SYT14: variants seen among roughly 807,000 people sequenced by gnomAD.
SYT14 encodes the protein synaptotagmin-14.
SYT14 carries 32 observed loss-of-function variants against 74.2 expected under a neutral mutation model. The observed-to-expected ratio is 0.43, with a 90% CI of 0.33 to 0.58. The LOEUF (loss-of-function observed/expected upper bound fraction) is 0.58. Among genes scored for constraint, SYT14 ranks in the 20% least tolerant of loss-of-function variants. SYT14 has a pLI of 0.05. For missense variants in SYT14, 791 were observed against 981.8 expected, an observed-to-expected ratio of 0.81 and a Z score of 2.60; for synonymous variants, 298 against 337.7, an observed-to-expected ratio of 0.88 and a Z score of 1.29.
exon 4 of SYT14, chr1:210,016,732 G>A (rs781648777): frequency 1.7e-5 from 21 of 1,231,714 alleles, no homozygotes; most frequent in African/African-American, 3.1e-5. Flanking sequence ...AGAATATGGG[G>A]CATTTCAATA....
At chr1:210,160,598 C>A in intron 9 of SYT14, 131 bp from the exon 9 acceptor site, 2 of 793,048 alleles carry the variant, frequency 2.5e-6, no homozygotes, top group Non-Finnish European at 3.9e-6. Context: ...TGGAATTGGT[C>A]GAATGTCCAT....
rs148417685 is a variant in SYT14, at chr1:210,077,522, G to T, written c.1313-16800G>T. 2.9e-3 allele frequency among the ~76,000 whole-genome samples: 446 copies of T among 152,190 alleles called. 3 individuals carry two copies. Among genetic ancestry groups the T allele is most frequent in the Middle Eastern group, 6.8e-3 (2 of 294 alleles). On this transcript the variant is annotated intron_variant, in intron 5 of 9. Coordinates refer to ENST00000637265, the Ensembl canonical transcript of SYT14. Reference sequence around the variant, plus strand: ...TCACTTGGGTTCTTTCTACCTTTTGGCTACTATATGAGTAATGCTGATGTG... The same window carrying T: ...TCACTTGGGTTCTTTCTACCTTTTGTCTACTATATGAGTAATGCTGATGTG...
chr1:209,976,344 G>C (rs144419411), intron 2 of SYT14, among the ~76,000 whole-genome samples: 83,432 of 132,278 alleles, frequency 0.63, 27,339 homozygotes, highest in East Asian at 0.84. Context: ...GGCATTTAGT[G>C]CTATAAATTT....
At chr1:210,112,973 A>G (rs2102586073) in intron 7 of SYT14, among the ~76,000 whole-genome samples, 1 of 151,348 alleles carries the variant, frequency 6.6e-6, no homozygotes, top group East Asian at 1.9e-4. Context: ...AGATTTTGCA[A>G]GTTTTGAGAA....
intron 2 of SYT14, among the ~76,000 whole-genome samples, chr1:209,968,697 A>C (rs1572084160): frequency 6.7e-6 from 1 of 148,900 alleles, no homozygotes; most frequent in South Asian, 2.1e-4. Flanking sequence ...AGATTCCTTC[A>C]TGTCTTTTCA....
intron 7 of SYT14, among the ~76,000 whole-genome samples, chr1:210,149,819 A>T (rs934459055): frequency 2.0e-5 from 3 of 152,138 alleles, no homozygotes; most frequent in Non-Finnish European, 4.4e-5. Flanking sequence ...GAGCCTGTGG[A>T]GGGTACTTAC....
chr1:210,155,131 A>G (rs755539681), intron 7 of SYT14, among the ~76,000 whole-genome samples: 9 of 152,266 alleles, frequency 5.9e-5, no homozygotes, highest in East Asian at 1.9e-4. Context: ...AGTAATTTCA[A>G]TGTTTTATCA....
At chr1:210,132,062 C>T (rs1056733250) in intron 7 of SYT14, among the ~76,000 whole-genome samples, 1 of 152,140 alleles carries the variant, frequency 6.6e-6, no homozygotes, top group African/African-American at 2.4e-5. Flanking sequence ...AACTGGCTCA[C>T]CCCTCTGAAT....
At chr1:210,049,206 G>C (rs1362302234) in intron 5 of SYT14, among the ~76,000 whole-genome samples, 1 of 152,124 alleles carries the variant, frequency 6.6e-6, no homozygotes, top group Non-Finnish European at 1.5e-5. Flanking sequence ...TTTTCTCACA[G>C]CTCCACTAGG....
At chr1:210,030,748 G>T (rs1001403938) in intron 5 of SYT14, among the ~76,000 whole-genome samples, 1 of 152,112 alleles carries the variant, frequency 6.6e-6, no homozygotes, top group South Asian at 2.1e-4. Context: ...AACTTTCTCT[G>T]TTGTTGGGAT....
intron 1 of SYT14, among the ~76,000 whole-genome samples, chr1:209,948,316 A>T (rs1023168364): frequency 7.9e-5 from 12 of 152,350 alleles, no homozygotes; most frequent in Non-Finnish European, 8.8e-5. Context: ...AGTCACACTT[A>T]TGTGTATATT....
At position 210,160,598 on chromosome 1, in the gene SYT14, C is replaced by T. The variant is rs73061732; in HGVS notation, c.2282-131C>T. The T allele has an allele frequency of 1.9e-3, 1,482 of 793,050 alleles. 17 individuals carry two copies. The African/African-American group carries it at 0.023, about 12-fold the overall frequency. 49.1% of individuals were successfully genotyped at this position (793,050 alleles called of 1,614,324 possible). On this transcript the variant is annotated intron_variant, in intron 9 of 9. Transcript: ENST00000637265. Reference sequence around the variant, plus strand: ...GCATCTACATCAAAATGGAATTGGTCGAATGTCCATTAAACATGGTATACA... The same window carrying T: ...GCATCTACATCAAAATGGAATTGGTTGAATGTCCATTAAACATGGTATACA...
At chr1:210,142,520 A>T (rs981915575) in intron 7 of SYT14, among the ~76,000 whole-genome samples, 2 of 152,202 alleles carry the variant, frequency 1.3e-5, no homozygotes, top group African/African-American at 4.8e-5. Context: ...AGCCAGGTGT[A>T]TGGAAGTCTA....
In SYT14 at chr1:210,041,143, C is replaced by T. The variant is rs185067560; in HGVS notation, c.1312+19889C>T. 2.0e-3 allele frequency among the ~76,000 whole-genome samples: 301 copies of T among 152,258 alleles called. 2 individuals carry two copies. The highest frequency in any genetic ancestry group is 6.8e-3 in the African/African-American group (282 of 41,552). On this transcript the variant is annotated intron_variant, in intron 5 of 9. Coordinates refer to ENST00000637265, the Ensembl canonical transcript of SYT14. The stretch of plus-strand genomic sequence containing the variant: ...ATTGAACATTTGCCCACTGGGATGC[C>T]GGTGCCAAAGATGTCTCCTCTGATG...
intron 5 of SYT14, among the ~76,000 whole-genome samples, chr1:210,069,716 G>A (rs1466395109): frequency 1.3e-5 from 2 of 151,080 alleles, no homozygotes; most frequent in Non-Finnish European, 1.5e-5. Flanking sequence ...TGTATTTATC[G>A]CAGTACTTTT....
chr1:210,160,599 G>A (rs868344775), intron 9 of SYT14, 130 bp from the exon 9 acceptor site: 15 of 796,314 alleles, frequency 1.9e-5, no homozygotes, highest in Middle Eastern at 3.5e-4. Context: ...GGAATTGGTC[G>A]AATGTCCATT....
intron 6 of SYT14, among the ~76,000 whole-genome samples, chr1:210,097,096 T>C (rs1164626792): frequency 2.0e-5 from 3 of 152,236 alleles, no homozygotes; most frequent in Admixed American, 1.3e-4. Context: ...TCAAACAATA[T>C]AGCAAATGCA....
intron 7 of SYT14, among the ~76,000 whole-genome samples, chr1:210,100,905 G>C (rs1234464966): frequency 1.3e-5 from 2 of 151,936 alleles, no homozygotes; most frequent in African/African-American, 4.8e-5. Context: ...CGCTCCCTAG[G>C]TCCCGACTGG....
Position 210,066,700 on chromosome 1 carries a change from C to A in SYT14, c.1313-27622C>A, listed in dbSNP as rs146458503. 1.1e-4 allele frequency among the ~76,000 whole-genome samples: 16 copies of A among 152,126 alleles called. No individual in the cohort carries two copies. The East Asian group carries it at 2.7e-3, about 26-fold the overall frequency. ...TGCCTGTTCACTCTGATGGTAATTT[C>A]TTTTGCTGTGCAGAAGCTTTTTAGT... On this transcript the variant is annotated intron_variant, in intron 5 of 9. Transcript: ENST00000637265.
Sources: allele counts gnomAD v4.1 joint callset (sites outside exome capture counted in the v4.1 genomes callset), GRCh38; gene constraint gnomAD v4.1.1; transcripts MANE v1.5; gene names NCBI Gene and HGNC (gene_info 2026-07-23, HGNC 2026-07-21).